VAX2: variants seen among roughly 807,000 people sequenced by gnomAD.
VAX2 encodes the protein ventral anterior homeobox 2.
Under a neutral mutation model 12.5 loss-of-function variants are expected in VAX2, and 8 were observed. The observed-to-expected ratio is 0.64, with a 90% CI of 0.37 to 1.15. The LOEUF (loss-of-function observed/expected upper bound fraction) is 1.15, where lower values mean the gene tolerates loss of function less well. VAX2 is among the 50% of genes most tolerant of loss of function. VAX2 has a pLI of 0.01. For missense variants in VAX2, 476 were observed against 412.9 expected (o/e 1.15, Z -1.32); for synonymous variants, 183 against 187.6 (o/e 0.98, Z 0.20).
intron 2 of VAX2, among the ~76,000 whole-genome samples, chr2:70,923,196 T>C (rs1216014151): frequency 1.3e-5 from 2 of 152,164 alleles, no homozygotes; most frequent in Non-Finnish European, 2.9e-5. Flanking sequence ...TCCTCCGCAC[T>C]GTTCTCACTA....
chr2:70,919,775 C>T (rs1354974717), intron 1 of VAX2, among the ~76,000 whole-genome samples: 2 of 152,186 alleles, frequency 1.3e-5, no homozygotes, highest in Admixed American at 1.3e-4. Context: ...TTGATTGAAC[C>T]CTAGAGGTCG....
intron 2 of VAX2, among the ~76,000 whole-genome samples, chr2:70,926,156 A>G (rs537455177): frequency 2.0e-5 from 3 of 152,152 alleles, no homozygotes; most frequent in Non-Finnish European, 4.4e-5. Flanking sequence ...AGAATGGCGA[A>G]GCCCTTTCCT....
chr2:70,907,313 G>C (rs576153623), intron 1 of VAX2, among the ~76,000 whole-genome samples: 69 of 152,380 alleles, frequency 4.5e-4, no homozygotes, highest in Non-Finnish European at 8.5e-4. Context: ...CTTGGGAAGC[G>C]CTGGGCCGCT....
intron 1 of VAX2, among the ~76,000 whole-genome samples, chr2:70,920,433 T>C (rs1679426293): frequency 6.6e-6 from 1 of 152,130 alleles, no homozygotes; most frequent in Non-Finnish European, 1.5e-5. Flanking sequence ...GTGGCCCTGC[T>C]GTTCAGGACT....
At chr2:70,928,102 A>C (rs1317961594) in intron 2 of VAX2, among the ~76,000 whole-genome samples, 1 of 152,252 alleles carries the variant, frequency 6.6e-6, no homozygotes, top group African/African-American at 2.4e-5. Flanking sequence ...GGAGGGACAC[A>C]TTCAGAGGGC....
At chr2:70,915,917 T>C (rs1679297700) in intron 1 of VAX2, among the ~76,000 whole-genome samples, 1 of 152,214 alleles carries the variant, frequency 6.6e-6, no homozygotes, top group African/African-American at 2.4e-5. Context: ...ATATTCCATT[T>C]ATTTTCTTAA....
At chr2:70,930,008 G>C (rs1679659667) in intron 2 of VAX2, among the ~76,000 whole-genome samples, 1 of 152,156 alleles carries the variant, frequency 6.6e-6, no homozygotes, top group African/African-American at 2.4e-5. Flanking sequence ...ACCTCAAGTA[G>C]GTCTCATAAC....
chr2:70,916,700 T>A (rs1553411986), intron 1 of VAX2, among the ~76,000 whole-genome samples: 1 of 152,206 alleles, frequency 6.6e-6, no homozygotes, highest in East Asian at 1.9e-4. Flanking sequence ...CAATCGTTCT[T>A]CCTTTTTTTC....
At chr2:70,931,506 T>G (rs573582911) in intron 2 of VAX2, among the ~76,000 whole-genome samples, 1 of 152,212 alleles carries the variant, frequency 6.6e-6, no homozygotes, top group Non-Finnish European at 1.5e-5. Flanking sequence ...CCAGCATGGA[T>G]GCAGAGACCT....
In VAX2 at chr2:70,933,014, G is replaced by C. The variant is rs2234499; in HGVS notation, c.683G>C (p.Arg228Pro). 6.3e-7 allele frequency: 1 copy of C among 1,596,684 alleles called. No homozygotes were observed. The highest frequency in any genetic ancestry group is 1.3e-5 in the African/African-American group (1 of 74,478). ...SLGDPRNSSPRLNPLSSASAS... is the reference protein window; with the variant it reads ...SLGDPRNSSPPLNPLSSASAS... ...GGTGACCCCAGGAACTCCTCCCCACGCCTCAACCCGCTGTCCTCGGCCTCA... is the reference window on the plus strand; with the variant it reads ...GGTGACCCCAGGAACTCCTCCCCACCCCTCAACCCGCTGTCCTCGGCCTCA... Residue 228 changes from arginine to proline, a missense_variant, in exon 3 of 3, where the codon CGC (arginine) becomes CCC (proline). Physicochemically the swap from Arg to Pro is moderately radical, Grantham distance 103 (BLOSUM62 -2). Transcript: ENST00000234392.
chr2:70,912,433 G>C (rs371138573), intron 1 of VAX2, among the ~76,000 whole-genome samples: 2 of 152,104 alleles, frequency 1.3e-5, no homozygotes, highest in Non-Finnish European at 2.9e-5. Context: ...AGGCCAGAGG[G>C]GGCAGATCAC....
Position 70,933,074 on chromosome 2 carries a change from T to C in VAX2, c.743T>C (p.Val248Ala). Residue 248 changes from valine to alanine, a missense_variant, in exon 3 of 3, where the codon GTC (valine) becomes GCC (alanine). Physicochemically the swap from Val to Ala is moderately conservative, Grantham distance 64. Coordinates refer to ENST00000234392, the MANE Select transcript of VAX2 (RefSeq NM_012476.3). ...CCACTGCCGCCCCCTCTGCCAGCTG[T>C]CTGCTTTTCCTCGGCCCCGCTCCTG... ...SPPLPPPLPA[V>A]CFSSAPLLDL... The C allele has an allele frequency of 6.2e-7, 1 of 1,609,404 alleles. No individual in the cohort carries two copies.
rs782413577 is a variant in VAX2, at chr2:70,933,057, G to GC, written c.731dup (p.Leu245SerfsTer45). On this transcript the variant is annotated frameshift_variant, in exon 3 of 3. Coordinates refer to ENST00000234392, the MANE Select transcript of VAX2 (RefSeq NM_012476.3). LOFTEE classifies it low-confidence loss of function (END_TRUNC). ...CGGCCTCAGCGTCCCCCCCACTGCC[G>GC]CCCCCTCTGCCAGCTGTCTGCTTTT... 2 of 1,604,474 alleles carry GC rather than the reference G, an allele frequency of 1.2e-6. No homozygotes were observed. Among genetic ancestry groups the GC allele is most frequent in the East Asian group, 4.5e-5 (2 of 44,422 alleles).
intron 1 of VAX2, among the ~76,000 whole-genome samples, chr2:70,920,798 A>G (rs1475018370): frequency 1.3e-5 from 2 of 152,132 alleles, no homozygotes; most frequent in Admixed American, 6.6e-5. Flanking sequence ...TTACTCTGCA[A>G]AGGCCCAGAA....
In VAX2 at chr2:70,921,116, G is replaced by A. The variant is rs782186563; in HGVS notation, c.266G>A (p.Arg89Gln). 5.2e-5 allele frequency: 83 copies of A among 1,602,906 alleles called. No individual in the cohort carries two copies. Among genetic ancestry groups the A allele is most frequent in the Admixed American group, 1.5e-4 (9 of 58,126 alleles). ...TCTGCAGATGCCAAAGGGACAATTC[G>A]GGAAATTGTCCTGCCTAAGGGCCTG... ...ILVRDAKGTIREIVLPKGLDL... is the reference protein window; with the variant it reads ...ILVRDAKGTIQEIVLPKGLDL... Residue 89 changes from arginine to glutamine, a missense_variant, in exon 2 of 3, where the codon CGG (arginine) becomes CAG (glutamine). Physicochemically the swap from Arg to Gln is conservative, Grantham distance 43. Coordinates refer to ENST00000234392, the MANE Select transcript of VAX2 (RefSeq NM_012476.3).
chr2:70,927,266 G>C (rs1176956119), intron 2 of VAX2, among the ~76,000 whole-genome samples: 1 of 151,916 alleles, frequency 6.6e-6, no homozygotes, highest in African/African-American at 2.4e-5. Context: ...TGAGAAGCTG[G>C]CTCAGGACTC....
chr2:70,901,664 G>A (rs1678931323), intron 1 of VAX2, among the ~76,000 whole-genome samples: 1 of 152,174 alleles, frequency 6.6e-6, no homozygotes, highest in Non-Finnish European at 1.5e-5. Context: ...CCTCCTCTCC[G>A]CGAGGCCGAG....
intron 1 of VAX2, among the ~76,000 whole-genome samples, chr2:70,916,011 C>G (rs1679299311): frequency 6.6e-6 from 1 of 152,098 alleles, no homozygotes. Flanking sequence ...AAATTTTTTT[C>G]TAGTAAACAT....
chr2:70,913,189 A>T (rs1447081496), intron 1 of VAX2, among the ~76,000 whole-genome samples: 1 of 152,176 alleles, frequency 6.6e-6, no homozygotes, highest in African/African-American at 2.4e-5. Flanking sequence ...ATACTCAGAA[A>T]CCCAGGCTGG....
Sources: allele counts gnomAD v4.1 joint callset (sites outside exome capture counted in the v4.1 genomes callset), GRCh38; gene constraint gnomAD v4.1.1; transcripts MANE v1.5; gene names NCBI Gene and HGNC (gene_info 2026-07-23, HGNC 2026-07-21).